Variants in RNF157 observed in about 807,000 individuals in gnomAD.
RNF157 encodes the protein E3 ubiquitin ligase RNF157.
Under a neutral mutation model 88.3 loss-of-function variants are expected in RNF157, and 55 were observed. The observed-to-expected ratio is 0.62, with a 90% CI of 0.50 to 0.78. The LOEUF (loss-of-function observed/expected upper bound fraction) is 0.78. Among genes scored for constraint, RNF157 ranks in the 30% least tolerant of loss-of-function variants. The pLI, the probability that RNF157 is intolerant of heterozygous loss-of-function variation, is 0.00. For missense variants in RNF157, 788 were observed against 860.8 expected (o/e 0.92, Z 1.06); for synonymous variants, 334 against 341.2 (o/e 0.98, Z 0.23).
Position 76,195,355 on chromosome 17 carries a change from T to C in RNF157, c.207+17009A>G, listed in dbSNP as rs1031862271. On this transcript the variant is annotated intron_variant, in intron 2 of 18. Coordinates refer to ENST00000269391, the MANE Select transcript of RNF157 (RefSeq NM_052916.3). This position sits in a 1 kb window ranked among gnomAD's most constrained non-coding sequence, Gnocchi z 4.4. ...TGGTTATCGGGAAAATGAAAATAAATTCTACAAACCTACCACAATGGCTAA... is the reference window on the plus strand; with the variant it reads ...TGGTTATCGGGAAAATGAAAATAAACTCTACAAACCTACCACAATGGCTAA... 6.6e-6 allele frequency among the ~76,000 whole-genome samples: 1 copy of C among 152,148 alleles called. No homozygotes were observed. The highest frequency in any genetic ancestry group is 6.5e-5 in the Admixed American group (1 of 15,274).
At chr17:76,151,075 G>T (rs2068667205) in intron 18 of RNF157, among the ~76,000 whole-genome samples, 2 of 152,254 alleles carry the variant, frequency 1.3e-5, no homozygotes, top group African/African-American at 4.8e-5. Context: ...GGCCCCAGCA[G>T]CTCCAGTCCA....
intron 2 of RNF157, among the ~76,000 whole-genome samples, chr17:76,204,986 T>C (rs2069654795): frequency 6.6e-6 from 1 of 151,926 alleles, no homozygotes. Flanking sequence ...GGTTTCACCA[T>C]GTTGGCCAGG....
chr17:76,215,127 A>C (rs10512606), intron 1 of RNF157, among the ~76,000 whole-genome samples: 20,522 of 151,974 alleles, frequency 0.14, 2,020 homozygotes, highest in African/African-American at 0.26. Context: ...CAAACTCCCT[A>C]AATCAGTTGC....
rs763980606 is a variant in RNF157 at position 76,166,464 on chromosome 17, C to T, written c.625G>A (p.Asp209Asn). Residue 209 changes from aspartate (D) to asparagine (N), a missense_variant, in exon 6 of 19, where the codon GAC (aspartate) becomes AAC (asparagine). Coordinates refer to ENST00000269391, the MANE Select transcript of RNF157 (RefSeq NM_052916.3). ...LVVHAVVDEGDEYFGHCHVLL... is the reference protein window; with the variant it reads ...LVVHAVVDEGNEYFGHCHVLL... ...AGAGGACAGAAATCGCCCCTACCGT[C>T]TCCTTCATCCACCACGGCATGTACC... 17 of 1,613,708 alleles carry T rather than the reference C, an allele frequency of 1.1e-5. No homozygotes were observed. The South Asian group carries it at 1.8e-4, about 17-fold the overall frequency.
rs1790398146 is a variant in RNF157, at chr17:76,162,837, T to C, written c.721-214A>G. On this transcript the variant is annotated intron_variant, in intron 8 of 18. Coordinates refer to ENST00000269391, the MANE Select transcript of RNF157 (RefSeq NM_052916.3). Reference sequence around the variant, plus strand: ...AATCAAATATTTAATTCACCCATCATTATATACAACAGGGAACATAAAATT... The same window carrying C: ...AATCAAATATTTAATTCACCCATCACTATATACAACAGGGAACATAAAATT... 1.1e-5 allele frequency: 5 copies of C among 467,914 alleles called. No homozygotes were observed. The South Asian group carries it at 1.3e-4, about 12-fold the overall frequency. 29.0% of individuals were successfully genotyped at this position (467,914 alleles called of 1,614,324 possible). A position where few individuals can be genotyped will look rare whatever the true frequency, so the allele number is the denominator to read the frequency against.
intron 16 of RNF157, 49 bp downstream of exon 16, chr17:76,155,203 A>C (rs2068743525): frequency 6.5e-7 from 1 of 1,546,092 alleles, no homozygotes; most frequent in Non-Finnish European, 8.9e-7. Flanking sequence ...CAAGGCCAGC[A>C]CTCCTCTGGT....
At chr17:76,164,918 C>T in intron 7 of RNF157, 123 bp from the exon 8 acceptor site, 1 of 619,852 alleles carries the variant, frequency 1.6e-6, no homozygotes, top group East Asian at 2.9e-5. Flanking sequence ...TCCATGGTTT[C>T]AATTACCCGC....
chr17:76,155,838 G>T, intron 14 of RNF157, 104 bp from the exon 15 acceptor site: 1 of 1,032,352 alleles, frequency 9.7e-7, no homozygotes, highest in Non-Finnish European at 1.4e-6. Flanking sequence ...ATTGAGGAGT[G>T]AAGTGGCCGT....
At chr17:76,164,687 G>T in intron 8 of RNF157, 61 bp downstream of exon 8, 1 of 977,066 alleles carries the variant, frequency 1.0e-6, no homozygotes, top group South Asian at 1.8e-5. Context: ...GAAGAAGAAA[G>T]GAAAGAATAA....
At chr17:76,193,410 A>G (rs1490406124) in intron 2 of RNF157, among the ~76,000 whole-genome samples, 1 of 152,252 alleles carries the variant, frequency 6.6e-6, no homozygotes, top group Non-Finnish European at 1.5e-5. Context: ...AGTATCTCTT[A>G]TCTACAAATC....
intron 2 of RNF157, among the ~76,000 whole-genome samples, chr17:76,204,816 A>C: frequency 1.4e-5 from 2 of 140,998 alleles, no homozygotes; most frequent in Admixed American, 7.2e-5. Context: ...TCTCACTCTC[A>C]CTCTATCACC....
chr17:76,178,427 G>C (rs944321111), intron 2 of RNF157, among the ~76,000 whole-genome samples: 1 of 152,250 alleles, frequency 6.6e-6, no homozygotes, highest in Non-Finnish European at 1.5e-5. Context: ...CTGCACAGTG[G>C]CCGGACCCCA....
In RNF157 at chr17:76,238,025, A is replaced by T. The variant is rs1272953360; in HGVS notation, c.88+2128T>A. 2.6e-5 allele frequency among the ~76,000 whole-genome samples: 4 copies of T among 151,764 alleles called. No individual in the cohort carries two copies. The East Asian group carries it at 7.7e-4, about 29-fold the overall frequency. ...CTTGAACCCTAGAGGCAGAGGTTGC[A>T]GTAAGCCAATATTGCACCACTTCAT... On this transcript the variant is annotated intron_variant, in intron 1 of 18. Coordinates refer to ENST00000269391, the MANE Select transcript of RNF157 (RefSeq NM_052916.3).
In RNF157 at chr17:76,220,503, C is replaced by CTG. The variant is rs1420266636; in HGVS notation, c.89-8023_89-8022dup. On this transcript the variant is annotated intron_variant, in intron 1 of 18. Transcript: ENST00000269391. ...ATTTATCTTGCCTTTCCTACATGAA[C>CTG]TGTACCTCTGGGTGAGTGAATAATT... Among the ~76,000 whole-genome samples, 5 of 151,710 alleles carry CTG rather than the reference C, an allele frequency of 3.3e-5. No homozygotes were observed. In the East Asian group the frequency reaches 9.7e-4, roughly 29 times the overall value.
At chr17:76,164,862 T>C in intron 7 of RNF157, 67 bp from the exon 8 acceptor site, 1 of 1,189,794 alleles carries the variant, frequency 8.4e-7, no homozygotes, top group Non-Finnish European at 1.2e-6. Context: ...ATTCTTCTGT[T>C]ACATCTCCCA....
chr17:76,164,446 T>C (rs1241255913), intron 8 of RNF157: 2 of 233,148 alleles, frequency 8.6e-6, no homozygotes, highest in African/African-American at 4.5e-5. Context: ...ATAAATCTTG[T>C]TCTTTCATTT....
In RNF157 at chr17:76,240,411, C is replaced by T. The variant is rs1393691420; in HGVS notation, c.-171G>A. 6.4e-6 allele frequency: 1 copy of T among 156,584 alleles called. No homozygotes were observed. Among genetic ancestry groups the T allele is most frequent in the Non-Finnish European group, 1.3e-5 (1 of 75,442 alleles). 9.7% of individuals were successfully genotyped at this position (156,584 alleles called of 1,614,324 possible). A position where few individuals can be genotyped will look rare whatever the true frequency, so the allele number is the denominator to read the frequency against. ...GAGCCCCCGGCGCGCCGCGCACCATCCTCCGCCGGGCACCGCGGCGGCGCC... is the reference window on the plus strand; with the variant it reads ...GAGCCCCCGGCGCGCCGCGCACCATTCTCCGCCGGGCACCGCGGCGGCGCC... On this transcript the variant is annotated 5_prime_UTR_variant, in exon 1 of 19. Coordinates refer to ENST00000269391, the MANE Select transcript of RNF157 (RefSeq NM_052916.3). This position sits in a 1 kb window ranked among gnomAD's most constrained non-coding sequence, Gnocchi z 4.4.
At position 76,159,221 on chromosome 17, in the gene RNF157, C is replaced by G. The variant is rs770534214; in HGVS notation, c.1304+114G>C. ...ACCTTCACGCAAGCAGCTCTGGGAA[C>G]AGCCCAGAGGGTTACTCTGCCCTAA... On this transcript the variant is annotated intron_variant, in intron 12 of 18. Coordinates refer to ENST00000269391, the MANE Select transcript of RNF157 (RefSeq NM_052916.3). 8 of 865,490 alleles carry G rather than the reference C, an allele frequency of 9.2e-6. No homozygotes were observed. In the East Asian group the frequency reaches 2.0e-4, roughly 21 times the overall value. The allele number at this position is 865,490 out of a possible 1,614,324, so 53.6% of individuals were successfully genotyped here.
In RNF157 at chr17:76,162,588, A is replaced by G. The variant is rs774430994; in HGVS notation, c.756T>C (p.Tyr252=). The change falls in exon 9 of 19, where the codon TAT becomes TAC. Residue 252 remains tyrosine (Y), a synonymous_variant. Coordinates refer to ENST00000269391, the MANE Select transcript of RNF157 (RefSeq NM_052916.3). Reference sequence around the variant, plus strand: ...GTGTGTTGTACTTGTTTTCAATTCCATAGATCTCCTGAAGGAGGTAGCTGA... The same window carrying G: ...GTGTGTTGTACTTGTTTTCAATTCCGTAGATCTCCTGAAGGAGGTAGCTGA... ...DGVSYLLQEI[Y]GIENKYNTQD... 6.2e-7 allele frequency: 1 copy of G among 1,613,390 alleles called. No individual in the cohort carries two copies. Among genetic ancestry groups the G allele is most frequent in the South Asian group, 1.1e-5 (1 of 90,812 alleles).
Sources: gnomAD v4.1 joint callset for allele counts (sites outside exome capture counted in the v4.1 genomes callset) on GRCh38, gnomAD v4.1.1 for gene constraint, Gnocchi (gnomAD v3.1) non-coding constraint, MANE v1.5 for transcripts, NCBI Gene and HGNC (gene_info 2026-07-23, HGNC 2026-07-21) for gene names.